PLAT: variants seen among roughly 807,000 people sequenced by gnomAD.
The protein encoded by PLAT is tissue-type plasminogen activator.
In PLAT, 48 loss-of-function variants were observed where a neutral mutation model predicts 74.9. That is an observed-to-expected ratio of 0.64 (90% CI 0.51 to 0.82). The LOEUF (loss-of-function observed/expected upper bound fraction) is 0.82. PLAT is among the 40% of genes least tolerant of loss of function. The pLI, the probability that PLAT is intolerant of heterozygous loss-of-function variation, is 0.00. For synonymous variants in PLAT, 307 were observed against 294.4 expected, an observed-to-expected ratio of 1.04 and a Z score of -0.44; for missense variants, 673 against 736.2, an observed-to-expected ratio of 0.91 and a Z score of 0.99.
At chr8:42,182,350 C>T in intron 8 of PLAT, 1 of 173,180 alleles carries the variant, frequency 5.8e-6, no homozygotes, top group Non-Finnish European at 1.1e-5. Flanking sequence ...AGGAGAACTT[C>T]TCTTTAACTT....
chr8:42,191,091 G>GC (rs8178736), intron 3 of PLAT, among the ~76,000 whole-genome samples: 3,294 of 151,760 alleles, frequency 0.022, 119 homozygotes, highest in African/African-American at 0.075. Context: ...GCCAGTGGCC[G>GC]CCCCCCCCAG....
At chr8:42,176,276 G>T in intron 13 of PLAT, 125 bp from the exon 14 acceptor site, 2 of 661,778 alleles carry the variant, frequency 3.0e-6, no homozygotes, top group Non-Finnish European at 5.1e-6. Context: ...ATTCCATTCA[G>T]TGTCATTTCA....
chr8:42,181,953 ACAGTACTCC>A lies in PLAT; in HGVS notation c.864_872del (p.Trp288_Tyr290del). The A allele has an allele frequency of 6.2e-7, 1 of 1,610,394 alleles. No homozygotes were observed. Among genetic ancestry groups the A allele is most frequent in the South Asian group, 1.1e-5 (1 of 90,988 alleles). On this transcript the variant is annotated inframe_deletion, in exon 9 of 14. Transcript: ENST00000220809. ...AGCCCTTACAGCAGGAGGGCACATC[ACAGTACTCC>A]CACGTCAGCCTGCGGTTCTTCAGCA... is the stretch of plus-strand genomic sequence containing the variant.
At position 42,181,979 on chromosome 8, in the gene PLAT, T is replaced by C. The variant is rs772031384; in HGVS notation, c.847A>G (p.Asn283Asp). 6.2e-7 allele frequency: 1 copy of C among 1,613,066 alleles called. No homozygotes were observed. The highest frequency in any genetic ancestry group is 2.2e-5 in the East Asian group (1 of 44,868). ...CAGTACTCCCACGTCAGCCTGCGGT[T>C]CTTCAGCACGTGGCACCAGGGCTTG... The part of the protein sequence containing the change: ...DAKPWCHVLK[N>D]RRLTWEYCDV... Residue 283 changes from asparagine (N) to aspartate (D), a missense_variant, in exon 9 of 14, where the codon AAC (asparagine) becomes GAC (aspartate). Transcript: ENST00000220809.
chr8:42,192,967 TC>T, intron 2 of PLAT, 146 bp downstream of exon 2: 2 of 629,482 alleles, frequency 3.2e-6, no homozygotes, highest in Non-Finnish European at 5.7e-6. Flanking sequence ...TGCTGTGTGC[TC>T]CACAGCAATG....
intron 3 of PLAT, among the ~76,000 whole-genome samples, chr8:42,190,478 A>AAAC (rs1170318224): frequency 6.6e-6 from 1 of 152,198 alleles, no homozygotes; most frequent in Non-Finnish European, 1.5e-5. Context: ...CCAACTTAAA[A>AAAC]AACAACAACT....
chr8:42,189,014 C>CT lies in PLAT; in HGVS notation c.172_173insA (p.Arg58GlnfsTer63). 6.2e-7 allele frequency: 1 copy of CT among 1,613,992 alleles called. No homozygotes were observed. Among genetic ancestry groups the CT allele is most frequent in the Non-Finnish European group, 8.5e-7 (1 of 1,179,864 alleles). ...CACCCGGTTGCTTCTGAGCACAGGGCGCAGCCATGACTGATGTTGCTGGTA... is the reference window on the plus strand; with the variant it reads ...CACCCGGTTGCTTCTGAGCACAGGGCTGCAGCCATGACTGATGTTGCTGGTA... On this transcript the variant is annotated frameshift_variant, in exon 4 of 14. Coordinates refer to ENST00000220809, the MANE Select transcript of PLAT (RefSeq NM_000930.5). LOFTEE classifies it high-confidence loss of function.
chr8:42,184,713 T>TG (rs66841217), intron 7 of PLAT: 1 of 152,766 alleles, frequency 6.5e-6, no homozygotes, highest in Non-Finnish European at 1.4e-5. Context: ...TTTTTTTTTT[T>TG]GCATTAAAAA....
At chr8:42,193,322 C>T (rs951713285) in intron 1 of PLAT, 111 bp from the exon 2 acceptor site, 4 of 668,636 alleles carry the variant, frequency 6.0e-6, no homozygotes, top group Middle Eastern at 2.5e-4. Flanking sequence ...GTGCCAGCCC[C>T]GCGGCAGAAA....
intron 6 of PLAT, chr8:42,186,368 A>G (rs770945211): frequency 6.6e-6 from 1 of 152,172 alleles, no homozygotes; most frequent in Non-Finnish European, 1.5e-5. Flanking sequence ...ATGCAGATGA[A>G]CTGAGCCAGA....
Position 42,187,988 on chromosome 8 carries a change from C to A in PLAT, c.282G>T (p.Gly94=), listed in dbSNP as rs1329093960. Residue 94 remains glycine, a synonymous_variant, in exon 5 of 14, where the codon GGG becomes GGT. Transcript: ENST00000220809. ...AGTACAGGGCCTGCTGGCAGGTGCCCCCGTTGAAACACCTTGGCTCGCTGC... is the reference window on the plus strand; with the variant it reads ...AGTACAGGGCCTGCTGGCAGGTGCCACCGTTGAAACACCTTGGCTCGCTGC... ...KSCSEPRCFN[G]GTCQQALYFS... The A allele has an allele frequency of 6.2e-7, 1 of 1,613,152 alleles. No homozygotes were observed. Among genetic ancestry groups the A allele is most frequent in the East Asian group, 2.2e-5 (1 of 44,882 alleles).
chr8:42,183,172 T>G (rs1045646607), intron 7 of PLAT, among the ~76,000 whole-genome samples: 1 of 152,094 alleles, frequency 6.6e-6, no homozygotes, highest in African/African-American at 2.4e-5. Context: ...CTACGCTAAT[T>G]TTGTATTTTT....
At chr8:42,189,346 T>C (rs62507971) in intron 3 of PLAT, among the ~76,000 whole-genome samples, 2,846 of 151,684 alleles carry the variant, frequency 0.019, 37 homozygotes, top group Middle Eastern at 0.075. Flanking sequence ...GGTGAAACCC[T>C]ATCTCTACTA....
chr8:42,183,066 C>T (rs1477286369), intron 7 of PLAT, among the ~76,000 whole-genome samples, 176 bp from the exon 8 acceptor site: 1 of 152,108 alleles, frequency 6.6e-6, no homozygotes, highest in Non-Finnish European at 1.5e-5. Flanking sequence ...GTGCAATGCG[C>T]GATCTTGGCT....
intron 5 of PLAT, 110 bp downstream of exon 5, chr8:42,187,796 C>T: frequency 1.2e-6 from 1 of 836,676 alleles, no homozygotes; most frequent in South Asian, 1.6e-5. Context: ...CCTTCCCTGT[C>T]CCTGGCCCCC....
chr8:42,180,020 G>A lies in PLAT; in HGVS notation c.1269C>T (p.Ser423=). 1.9e-6 allele frequency: 3 copies of A among 1,610,002 alleles called. No homozygotes were observed. Among genetic ancestry groups the A allele is most frequent in the Non-Finnish European group, 2.5e-6 (3 of 1,177,690 alleles). ...KSDSSRCAQE[S]SVVRTVCLPP... ...GAAGGCACACAGTGCGGACCACGCT[G>A]CTCTCCTGGGCACAGCGGGACGAAT... Residue 423 remains serine, a synonymous_variant, in exon 12 of 14, where the codon AGC becomes AGT. Transcript: ENST00000220809.
intron 6 of PLAT, chr8:42,186,475 T>G (rs1805462703): frequency 6.6e-6 from 1 of 152,202 alleles, no homozygotes; most frequent in African/African-American, 2.4e-5. Flanking sequence ...CTTCGAGTTA[T>G]CCCAACTTTC....
At chr8:42,191,193 G>A (rs556262097) in intron 3 of PLAT, among the ~76,000 whole-genome samples, 179 bp downstream of exon 3, 9 of 152,326 alleles carry the variant, frequency 5.9e-5, no homozygotes, top group East Asian at 1.9e-4. Context: ...CCCAGTGGCC[G>A]CAGCTGATGG....
intron 9 of PLAT, among the ~76,000 whole-genome samples, chr8:42,181,189 T>C (rs1222174356): frequency 2.0e-5 from 3 of 152,358 alleles, no homozygotes; most frequent in African/African-American, 7.2e-5. Context: ...GTGAGTTAGC[T>C]GGTGGTCTGT....
Sources: allele counts gnomAD v4.1 joint callset (sites outside exome capture counted in the v4.1 genomes callset), GRCh38; gene constraint gnomAD v4.1.1; transcripts MANE v1.5; gene names NCBI Gene and HGNC (gene_info 2026-07-23, HGNC 2026-07-21).